IL12RB2: variants seen among roughly 807,000 people sequenced by gnomAD.
IL12RB2 encodes interleukin-12 receptor subunit beta-2.
IL12RB2 carries 82 observed loss-of-function variants against 89.4 expected under a neutral mutation model. That is an observed-to-expected ratio of 0.92 (90% CI 0.77 to 1.10). The LOEUF is 1.10. IL12RB2 is among the 50% of genes least tolerant of loss of function. The probability of loss-of-function intolerance (pLI) is 0.00; values close to 1 mark genes in which losing one functional copy is unlikely to be tolerated. For missense variants in IL12RB2, 963 were observed against 1,031.9 expected, an observed-to-expected ratio of 0.93 and a Z score of 0.92; for synonymous variants, 368 against 370.1, an observed-to-expected ratio of 0.99 and a Z score of 0.07.
At chr1:67,310,209 A>C (rs866705295) in intron 1 of IL12RB2, among the ~76,000 whole-genome samples, 8 of 149,158 alleles carry the variant, frequency 5.4e-5, no homozygotes, top group African/African-American at 2.0e-4. Context: ...AAAAAAAAAA[A>C]GCCAAATCCC....
At chr1:67,312,504 G>C (rs1256047696) in intron 1 of IL12RB2, among the ~76,000 whole-genome samples, 1 of 151,986 alleles carries the variant, frequency 6.6e-6, no homozygotes, top group Non-Finnish European at 1.5e-5. Flanking sequence ...TGAGGGGTTG[G>C]GGTGGGATAA....
intron 13 of IL12RB2, among the ~76,000 whole-genome samples, chr1:67,374,476 C>CTT (rs34836285): frequency 7.3e-5 from 10 of 136,546 alleles, no homozygotes; most frequent in East Asian, 2.1e-4. Flanking sequence ...TCTGTTTATT[C>CTT]TTTTTTTTTT....
chr1:67,337,916 AAGAAAAG>A (rs959046972), intron 8 of IL12RB2, among the ~76,000 whole-genome samples: 5 of 134,190 alleles, frequency 3.7e-5, no homozygotes, highest in African/African-American at 1.1e-4. Context: ...AAAAAAAAAA[AAGAAAAG>A]AAAAGAAAAG....
Position 67,321,600 on chromosome 1 carries a change from A to G in IL12RB2, c.77-2A>G. The G allele has an allele frequency of 6.3e-7, 1 of 1,584,686 alleles. No individual in the cohort carries two copies. Among genetic ancestry groups the G allele is most frequent in the Non-Finnish European group, 8.7e-7 (1 of 1,153,606 alleles). On this transcript the variant is annotated splice_acceptor_variant, in intron 3 of 16. Coordinates refer to ENST00000674203, the MANE Select transcript of IL12RB2 (RefSeq NM_001374259.2). LOFTEE classifies it high-confidence loss of function. ...AAATATTGCATCTGTATCTTATTGC[A>G]GATGCGTGCAAGAGAGGCGATGTGA...
chr1:67,332,199 T>C (rs1027516118), intron 8 of IL12RB2, among the ~76,000 whole-genome samples: 1 of 147,290 alleles, frequency 6.8e-6, no homozygotes, highest in African/African-American at 2.5e-5. Flanking sequence ...TATTCTTCCT[T>C]ACTTCTTGTA....
Position 67,378,596 on chromosome 1 carries a change from A to G in IL12RB2, c.1718-1390A>G, listed in dbSNP as rs1664218982. The stretch of plus-strand genomic sequence containing the variant: ...GCCAGGTGATGTGGCTCATGCCTGT[A>G]ATTCCAGCACTTTGGGAGGCTGAGG... On this transcript the variant is annotated intron_variant, in intron 13 of 16. Transcript: ENST00000674203. 2.0e-5 allele frequency among the ~76,000 whole-genome samples: 3 copies of G among 152,188 alleles called. No homozygotes were observed. The South Asian group carries it at 6.2e-4, about 31-fold the overall frequency.
intron 7 of IL12RB2, among the ~76,000 whole-genome samples, chr1:67,330,205 T>TTA (rs1410844763): frequency 6.6e-6 from 1 of 151,752 alleles, no homozygotes; most frequent in African/African-American, 2.4e-5. Flanking sequence ...CAATGGCTTA[T>TTA]AATAACAAAG....
intron 2 of IL12RB2, among the ~76,000 whole-genome samples, chr1:67,318,953 A>G (rs1656141398): frequency 6.6e-6 from 1 of 152,158 alleles, no homozygotes; most frequent in African/African-American, 2.4e-5. Flanking sequence ...AGGAAAACAA[A>G]GAGTAGCCAG....
chr1:67,322,026 G>A, intron 4 of IL12RB2, 137 bp downstream of exon 4: 1 of 781,326 alleles, frequency 1.3e-6, no homozygotes, highest in Non-Finnish European at 2.2e-6. Flanking sequence ...ATTTTATCTT[G>A]ATACCGACCT....
chr1:67,353,221 C>T (rs1389593037), intron 10 of IL12RB2, among the ~76,000 whole-genome samples: 2 of 152,092 alleles, frequency 1.3e-5, no homozygotes, highest in Admixed American at 1.3e-4. Context: ...GACAGATACA[C>T]ATTATAAGTG....
At chr1:67,343,593 C>G (rs1362627121) in intron 9 of IL12RB2, among the ~76,000 whole-genome samples, 1 of 152,140 alleles carries the variant, frequency 6.6e-6, no homozygotes, top group East Asian at 1.9e-4. Flanking sequence ...AACTTCCTTT[C>G]TCTTCTCCTT....
intron 14 of IL12RB2, among the ~76,000 whole-genome samples, chr1:67,382,633 GTT>G (rs961648072): frequency 6.7e-6 from 1 of 148,258 alleles, no homozygotes; most frequent in Admixed American, 6.7e-5. Flanking sequence ...CCTTTGCATA[GTT>G]TTTTTTTTCT....
At chr1:67,315,848 A>G (rs12138219) in intron 2 of IL12RB2, among the ~76,000 whole-genome samples, 25,703 of 152,100 alleles carry the variant, frequency 0.17, 2,351 homozygotes, top group Admixed American at 0.24. Context: ...TGGGAGTTTC[A>G]CCTTCTGATT....
chr1:67,388,634 G>T (rs1352652682), intron 15 of IL12RB2, among the ~76,000 whole-genome samples: 2 of 152,142 alleles, frequency 1.3e-5, no homozygotes, highest in South Asian at 4.1e-4. Flanking sequence ...GTGAGCCACC[G>T]CACCCAGCCT....
intron 10 of IL12RB2, among the ~76,000 whole-genome samples, chr1:67,358,660 T>A (rs1661659020): frequency 6.6e-6 from 1 of 150,812 alleles, no homozygotes; most frequent in African/African-American, 2.4e-5. Flanking sequence ...AGGAACAAGA[T>A]GTAAGGATAA....
chr1:67,334,105 AAG>A, intron 8 of IL12RB2, among the ~76,000 whole-genome samples: 1 of 152,302 alleles, frequency 6.6e-6, no homozygotes, highest in Non-Finnish European at 1.5e-5. Context: ...GGAGAAAATG[AAG>A]AGTTACCAGC....
At chr1:67,310,551 A>T (rs1427246075) in intron 1 of IL12RB2, among the ~76,000 whole-genome samples, 3 of 152,228 alleles carry the variant, frequency 2.0e-5, no homozygotes, top group Middle Eastern at 6.3e-3. Context: ...AGGAGTCAAA[A>T]GCAAGGCCAT....
intron 8 of IL12RB2, among the ~76,000 whole-genome samples, chr1:67,336,768 A>G (rs1264870667): frequency 1.3e-5 from 2 of 152,212 alleles, no homozygotes; most frequent in Non-Finnish European, 2.9e-5. Context: ...AGCCAAGGCT[A>G]TGGGCTCTGG....
intron 8 of IL12RB2, among the ~76,000 whole-genome samples, chr1:67,335,886 A>G (rs2100722815): frequency 6.6e-6 from 1 of 152,326 alleles, no homozygotes; most frequent in Non-Finnish European, 1.5e-5. Flanking sequence ...CACCATTAAC[A>G]TTTCAGTTTA....
Sources: gnomAD v4.1 joint callset for allele counts (sites outside exome capture counted in the v4.1 genomes callset) on GRCh38, gnomAD v4.1.1 for gene constraint, MANE v1.5 for transcripts, NCBI Gene and HGNC (gene_info 2026-07-23, HGNC 2026-07-21) for gene names.